SCN9A: variants seen among roughly 807,000 people sequenced by gnomAD.
The protein encoded by SCN9A is sodium voltage-gated channel alpha subunit 9.
A neutral mutation model predicts 187.0 loss-of-function variants in SCN9A; 131 were observed. That is an observed-to-expected ratio of 0.70 (90% CI 0.61 to 0.81). The LOEUF is 0.81. Ranked by LOEUF, SCN9A falls within the 30% of genes least tolerant of loss-of-function variation. The probability of loss-of-function intolerance (pLI) is 0.00; values close to 1 mark genes in which losing one functional copy is unlikely to be tolerated. For synonymous variants in SCN9A, 809 were observed against 808.6 expected, an observed-to-expected ratio of 1.00 and a Z score of -0.01; for missense variants, 2,252 against 2,396.6, an observed-to-expected ratio of 0.94 and a Z score of 1.26.
At chr2:166,369,868 C>A (rs533107673) in intron 1 of SCN9A, among the ~76,000 whole-genome samples, 1 of 152,010 alleles carries the variant, frequency 6.6e-6, no homozygotes, top group South Asian at 2.1e-4. Context: ...ACAGATTTTC[C>A]TTTTATTGCC....
At chr2:166,365,984 G>A (rs1261904118) in intron 1 of SCN9A, among the ~76,000 whole-genome samples, 2 of 152,190 alleles carry the variant, frequency 1.3e-5, no homozygotes, top group Non-Finnish European at 2.9e-5. Context: ...TCCAGGAAGA[G>A]TATAAATGCT....
At position 166,311,506 on chromosome 2, in the gene SCN9A, T is replaced by C. The variant is rs1328637583; in HGVS notation, c.251A>G (p.Asp84Gly). 1 of 1,556,390 alleles carries C rather than the reference T, an allele frequency of 6.4e-7. No individual in the cohort carries two copies. The highest frequency in any genetic ancestry group is 1.8e-5 in the Admixed American group (1 of 56,000). The change falls in exon 2 of 27, where the codon GAC (aspartate) becomes GGC (glycine). Residue 84 changes from aspartate (D) to glycine (G), a missense_variant. This residue lies in a region of SCN9A where 1,013 missense variants were observed against 997.4 expected (regional missense o/e 1.02). Transcript: ENST00000642356. ...AAGTCAAAATAAACTCACCTTTTTGTCTGCATAGTAGGGGTCCAAGTCCTC... is the reference window on the plus strand; with the variant it reads ...AAGTCAAAATAAACTCACCTTTTTGCCTGCATAGTAGGGGTCCAAGTCCTC... ...PLEDLDPYYA[D>G]KKTFIVLNKG... is the part of the protein sequence containing the mutation.
At chr2:166,317,787 AT>A (rs1184497801) in intron 1 of SCN9A, among the ~76,000 whole-genome samples, 8 of 152,166 alleles carry the variant, frequency 5.3e-5, no homozygotes, top group Non-Finnish European at 1.5e-5. Context: ...TGGCCTTCAA[AT>A]TTCCATTGCA....
intron 24 of SCN9A, among the ~76,000 whole-genome samples, chr2:166,223,387 AAC>A (rs1694707806): frequency 6.6e-6 from 1 of 152,282 alleles, no homozygotes; most frequent in East Asian, 1.9e-4. Flanking sequence ...CACACACACA[AAC>A]ACACACTATT....
At chr2:166,245,152 T>A (rs1012805710) in intron 18 of SCN9A, among the ~76,000 whole-genome samples, 4 of 152,058 alleles carry the variant, frequency 2.6e-5, no homozygotes, top group Non-Finnish European at 5.9e-5. Flanking sequence ...ACTTGTTTAT[T>A]AGCTGCAAAA....
In SCN9A at chr2:166,288,476, C is replaced by G. The variant is rs781606441; in HGVS notation, c.1275G>C (p.Gln425His). Residue 425 changes from glutamine to histidine, a missense_variant, in exon 10 of 27, where the codon CAG (glutamine) becomes CAC (histidine). Physicochemically the swap from Gln to His is conservative, Grantham distance 24. Around this residue, in one of 7 missense-constraint regions of SCN9A, gnomAD observed 1,013 missense variants for 997.4 expected, o/e 1.02. Transcript: ENST00000642356. ...GCTCTTTTTTAAGACGGTCTAACAT[C>G]TGTTGAAATTCTAATTCTTTCTGTT... is the stretch of plus-strand genomic sequence containing the variant. Reference protein sequence around the residue: ...EAKQKELEFQQMLDRLKKEQE... With the variant: ...EAKQKELEFQHMLDRLKKEQE... The G allele has an allele frequency of 6.2e-7, 1 of 1,612,694 alleles. No homozygotes were observed. The highest frequency in any genetic ancestry group is 2.2e-5 in the East Asian group (1 of 44,846).
chr2:166,234,230 A>G (rs1282253946), intron 20 of SCN9A, among the ~76,000 whole-genome samples: 2 of 152,224 alleles, frequency 1.3e-5, no homozygotes, highest in Non-Finnish European at 2.9e-5. Context: ...TTTTAGTTAC[A>G]AAGCAATGAG....
In SCN9A at chr2:166,337,830, T is replaced by A. The variant is rs113758466; in HGVS notation, c.-50-26024A>T. On this transcript the variant is annotated intron_variant, in intron 1 of 26. Coordinates refer to ENST00000642356, the MANE Select transcript of SCN9A (RefSeq NM_001365536.1). ...TCGGTAAAATGAGTATGAAAAGGAT[T>A]TTGAATATTTAAATGAGTTAATGCA... 9.8e-3 allele frequency among the ~76,000 whole-genome samples: 1,490 copies of A among 152,260 alleles called. 33 individuals carry two copies. Among genetic ancestry groups the A allele is most frequent in the African/African-American group, 0.033 (1,355 of 41,548 alleles).
intron 19 of SCN9A, among the ~76,000 whole-genome samples, chr2:166,242,248 CA>C (rs1203732588): frequency 1.3e-5 from 2 of 150,586 alleles, no homozygotes; most frequent in African/African-American, 2.4e-5. Flanking sequence ...CTGATATTGC[CA>C]GTAAAATTCT....
chr2:166,262,514 A>G (rs547556189), intron 17 of SCN9A, among the ~76,000 whole-genome samples: 9 of 152,110 alleles, frequency 5.9e-5, no homozygotes, highest in Non-Finnish European at 8.8e-5. Flanking sequence ...CAGAATCCCA[A>G]TGAATCAGCA....
Position 166,309,672 on chromosome 2 carries a change from T to A in SCN9A, c.258+1827A>T, listed in dbSNP as rs376579866. On this transcript the variant is annotated intron_variant, in intron 2 of 26. Coordinates refer to ENST00000642356, the MANE Select transcript of SCN9A (RefSeq NM_001365536.1). ...ATCAATATCGTGAAAATGGCCATAC[T>A]GCCCAAGGTAATTTACAGATTCAAT... Among the ~76,000 whole-genome samples the A allele has an allele frequency of 3.5e-4, 52 of 150,560 alleles. No homozygotes were observed. In the East Asian group the frequency reaches 9.0e-3, roughly 26 times the overall value.
chr2:166,375,531 G>C (rs1700667710), intron 1 of SCN9A, among the ~76,000 whole-genome samples, 166 bp downstream of exon 1: 1 of 152,086 alleles, frequency 6.6e-6, no homozygotes, highest in African/African-American at 2.4e-5. Flanking sequence ...GGAACCACCC[G>C]GTCAAGCTTC....
intron 10 of SCN9A, 140 bp from the exon 11 acceptor site, chr2:166,286,763 TTACACAATGATC>T: frequency 1.7e-6 from 1 of 585,976 alleles, no homozygotes; most frequent in Non-Finnish European, 2.6e-6. Context: ...ATCGTTTTCT[TTACACAATGATC>T]AGAATGCTTA....
At chr2:166,304,801 G>A (rs962705229) in intron 5 of SCN9A, among the ~76,000 whole-genome samples, 14 of 152,034 alleles carry the variant, frequency 9.2e-5, no homozygotes, top group African/African-American at 2.9e-4. Flanking sequence ...TGAGTACAGA[G>A]TTTCTATTTG....
intron 1 of SCN9A, among the ~76,000 whole-genome samples, chr2:166,320,661 C>T (rs1699215574): frequency 6.6e-6 from 1 of 152,158 alleles, no homozygotes; most frequent in South Asian, 2.1e-4. Context: ...GACACCAATT[C>T]TTCCATAGTG....
Position 166,226,699 on chromosome 2 carries a change from G to C in SCN9A, c.4266C>G (p.Asp1422Glu). Reference protein sequence around the residue: ...MYAAVDSVNVDKQPKYEYSLY... With the variant: ...MYAAVDSVNVEKQPKYEYSLY... ...GGCTATATTCATATTTGGGCTGCTT[G>C]TCTACCTATAAAATTTACAAAAGTT... Residue 1422 changes from aspartate (D) to glutamate (E), a missense_variant, in exon 24 of 27, where the codon GAC becomes GAG. Around this residue, in one of 7 missense-constraint regions of SCN9A, gnomAD observed 368 missense variants for 408.6 expected, o/e 0.90. Transcript: ENST00000642356. 1 of 1,558,054 alleles carries C rather than the reference G, an allele frequency of 6.4e-7. No individual in the cohort carries two copies. The highest frequency in any genetic ancestry group is 2.3e-5 in the East Asian group (1 of 43,516).
intron 21 of SCN9A, among the ~76,000 whole-genome samples, chr2:166,231,142 G>A (rs1695065117): frequency 6.6e-6 from 1 of 152,124 alleles, no homozygotes; most frequent in Admixed American, 6.6e-5. Context: ...TTAAATAGTG[G>A]GCTGGCTTAA....
chr2:166,238,044 A>G (rs199610724), intron 20 of SCN9A, 50 bp downstream of exon 20: 6 of 1,396,432 alleles, frequency 4.3e-6, no homozygotes, highest in Non-Finnish European at 6.0e-6. Flanking sequence ...TTTTTTCACA[A>G]CACACAGTAA....
intron 20 of SCN9A, among the ~76,000 whole-genome samples, chr2:166,233,974 A>C (rs1695206154): frequency 6.6e-6 from 1 of 152,136 alleles, no homozygotes; most frequent in Admixed American, 6.5e-5. Context: ...TCTGCCCTAC[A>C]ATTTCTAAAG....
Sources: allele counts gnomAD v4.1 joint callset (sites outside exome capture counted in the v4.1 genomes callset), GRCh38; gene constraint gnomAD v4.1.1; regional missense constraint gnomAD v4.1.1; transcripts MANE v1.5; gene names NCBI Gene and HGNC (gene_info 2026-07-23, HGNC 2026-07-21).